ARL15: variants seen among roughly 807,000 people sequenced by gnomAD.
The protein encoded by ARL15 is ARF like GTPase 15, also known as ADP-ribosylation factor-like protein 15.
ARL15 carries 19 observed loss-of-function variants against 25.2 expected under a neutral mutation model. The ratio of observed to expected loss-of-function variants is 0.75; its 90% CI spans 0.53 to 1.10. The LOEUF is 1.10. ARL15 is among the 50% of genes least tolerant of loss of function. The pLI is 0.00. For missense variants in ARL15, 220 were observed against 246.0 expected (o/e 0.89, Z 0.71); for synonymous variants, 94 against 86.8 (o/e 1.08, Z -0.46).
In ARL15 at chr5:54,293,527, T is replaced by TA. The variant is rs1292353082; in HGVS notation, c.48+16904dup. Among the ~76,000 whole-genome samples the TA allele has an allele frequency of 3.9e-5, 6 of 152,168 alleles. No individual in the cohort carries two copies. The East Asian group carries it at 1.2e-3, about 29-fold the overall frequency. Reference sequence around the variant, plus strand: ...CCACAATGTTTTCTTAAATAACTCATAGTAAAGTGAAGAGAGATTGGCTGA... The same window carrying TA: ...CCACAATGTTTTCTTAAATAACTCATAAGTAAAGTGAAGAGAGATTGGCTGA... On this transcript the variant is annotated intron_variant, in intron 1 of 4. Transcript: ENST00000504924.
At chr5:54,192,967 T>C (rs1415637397) in intron 1 of ARL15, among the ~76,000 whole-genome samples, 2 of 152,176 alleles carry the variant, frequency 1.3e-5, no homozygotes, top group Non-Finnish European at 2.9e-5. Context: ...CCAGTGACAC[T>C]TTTCATTTGA....
At chr5:54,253,425 T>G (rs1757289818) in intron 1 of ARL15, among the ~76,000 whole-genome samples, 1 of 151,334 alleles carries the variant, frequency 6.6e-6, no homozygotes. Context: ...GAGCTGGGAG[T>G]AGAGGTTAGG....
chr5:54,265,809 A>G (rs1757609065), intron 1 of ARL15, among the ~76,000 whole-genome samples: 2 of 152,214 alleles, frequency 1.3e-5, no homozygotes. Context: ...TTTATAAAAC[A>G]CTACAAACTG....
chr5:54,284,627 T>C (rs1434585972), intron 1 of ARL15, among the ~76,000 whole-genome samples: 3 of 152,242 alleles, frequency 2.0e-5, no homozygotes, highest in Non-Finnish European at 4.4e-5. Flanking sequence ...CTCCTTTTCA[T>C]ATTCTCAAAA....
chr5:53,980,645 A>G (rs1422972515), intron 4 of ARL15, among the ~76,000 whole-genome samples: 1 of 152,240 alleles, frequency 6.6e-6, no homozygotes, highest in African/African-American at 2.4e-5. Context: ...AGAGCTAAGA[A>G]CTGAGGACTG....
intron 4 of ARL15, among the ~76,000 whole-genome samples, chr5:54,001,723 T>G (rs1451394118): frequency 1.3e-5 from 2 of 152,242 alleles, no homozygotes; most frequent in African/African-American, 4.8e-5. Flanking sequence ...AAGGGTTGAA[T>G]GCTGCTTCAT....
At chr5:53,983,822 A>G (rs1321888097) in intron 4 of ARL15, among the ~76,000 whole-genome samples, 2 of 152,126 alleles carry the variant, frequency 1.3e-5, no homozygotes, top group Admixed American at 6.5e-5. Context: ...GATTCCCAAC[A>G]ATAAAACTTC....
At chr5:53,916,235 C>T (rs1017586372) in intron 4 of ARL15, among the ~76,000 whole-genome samples, 1 of 148,260 alleles carries the variant, frequency 6.7e-6, no homozygotes, top group African/African-American at 2.5e-5. Context: ...AGATTTAATT[C>T]AGAGAATACC....
At chr5:54,070,252 C>T (rs1177493737) in intron 4 of ARL15, among the ~76,000 whole-genome samples, 3 of 151,598 alleles carry the variant, frequency 2.0e-5, no homozygotes, top group African/African-American at 7.3e-5. Flanking sequence ...ATTAGCCGGG[C>T]GTGGTGCCGG....
intron 1 of ARL15, among the ~76,000 whole-genome samples, chr5:54,296,510 A>G (rs1478795212): frequency 6.6e-6 from 1 of 152,186 alleles, no homozygotes; most frequent in Non-Finnish European, 1.5e-5. Context: ...GTCCAATCAA[A>G]TATTTACTCA....
rs779861460 is a variant in ARL15 at position 54,171,855 on chromosome 5, G to T, written c.122C>A (p.Thr41Lys). The T allele has an allele frequency of 1.9e-6, 3 of 1,613,684 alleles. No individual in the cohort carries two copies. The highest frequency in any genetic ancestry group is 2.5e-6 in the Non-Finnish European group (3 of 1,179,734). Residue 41 changes from threonine to lysine, a missense_variant, in exon 2 of 5, where the codon ACA becomes AAA. Thr to Lys is a moderately conservative substitution (Grantham distance 78). Transcript: ENST00000504924. Reference protein sequence around the residue: ...PEYDLVCIGLTGSGKTSLLSK... With the variant: ...PEYDLVCIGLKGSGKTSLLSK... The stretch of plus-strand genomic sequence containing the variant: ...CAACAGACTGGTTTTGCCAGAACCT[G>T]TGAGGCCTATGCAAACCAGGTCATA...
At chr5:54,009,549 G>T (rs1749164907) in intron 4 of ARL15, among the ~76,000 whole-genome samples, 2 of 151,934 alleles carry the variant, frequency 1.3e-5, no homozygotes, top group African/African-American at 4.8e-5. Flanking sequence ...TGAACTCTCT[G>T]GCTGCTGCAG....
intron 4 of ARL15, among the ~76,000 whole-genome samples, chr5:54,090,099 A>T (rs1356298114): frequency 6.6e-6 from 1 of 152,184 alleles, no homozygotes; most frequent in Admixed American, 6.5e-5. Context: ...GGTTGTACAT[A>T]TACAAATGTT....
In ARL15 at chr5:54,132,925, C is replaced by A. The variant is rs537201842; in HGVS notation, c.254-19515G>T. Among the ~76,000 whole-genome samples the A allele has an allele frequency of 3.9e-5, 6 of 152,250 alleles. No individual in the cohort carries two copies. The South Asian group carries it at 1.2e-3, about 32-fold the overall frequency. ...TCTTGTGGTATGGTACCATTTTTCA[C>A]TTATCCAACTGCCTAAAAAAATCTA... On this transcript the variant is annotated intron_variant, in intron 3 of 4. Transcript: ENST00000504924.
intron 4 of ARL15, among the ~76,000 whole-genome samples, chr5:54,046,879 A>C (rs1466122383): frequency 6.6e-6 from 1 of 152,190 alleles, no homozygotes; most frequent in Non-Finnish European, 1.5e-5. Flanking sequence ...TTAGCATGGT[A>C]CGGCAGGCCA....
chr5:54,094,816 A>C (rs937611938), intron 4 of ARL15, among the ~76,000 whole-genome samples: 3 of 152,192 alleles, frequency 2.0e-5, no homozygotes, highest in Admixed American at 1.3e-4. Context: ...ACAAGTATTT[A>C]TGAGCATCTA....
intron 4 of ARL15, among the ~76,000 whole-genome samples, chr5:54,054,140 C>G (rs1750784803): frequency 6.6e-6 from 1 of 152,192 alleles, no homozygotes; most frequent in African/African-American, 2.4e-5. Flanking sequence ...ATCCTCTGTG[C>G]TCCATCTCTC....
chr5:54,027,774 A>T (rs535965498), intron 4 of ARL15, among the ~76,000 whole-genome samples: 22 of 152,220 alleles, frequency 1.4e-4, no homozygotes, highest in African/African-American at 5.1e-4. Flanking sequence ...CAAAGAATCA[A>T]ATACTAGCCC....
chr5:54,018,605 C>T (rs1749497539), intron 4 of ARL15, among the ~76,000 whole-genome samples: 1 of 152,128 alleles, frequency 6.6e-6, no homozygotes, highest in Admixed American at 6.5e-5. Context: ...TTCAAACATC[C>T]AAAAATTTTA....
Sources: allele counts gnomAD v4.1 joint callset (sites outside exome capture counted in the v4.1 genomes callset), GRCh38; gene constraint gnomAD v4.1.1; transcripts MANE v1.5; gene names NCBI Gene and HGNC (gene_info 2026-07-23, HGNC 2026-07-21).